DNAJC17: variants seen among roughly 807,000 people sequenced by gnomAD.
DNAJC17 encodes the protein DnaJ heat shock protein family (Hsp40) member C17.
In DNAJC17, 35 loss-of-function variants were observed where a neutral mutation model predicts 48.1. That is an observed-to-expected ratio of 0.73 (90% CI 0.56 to 0.96). The LOEUF (loss-of-function observed/expected upper bound fraction) is 0.96. Among genes scored for constraint, DNAJC17 ranks in the 50% least tolerant of loss-of-function variants. The probability of loss-of-function intolerance (pLI) is 0.00; values close to 1 mark genes in which losing one functional copy is unlikely to be tolerated. For synonymous variants in DNAJC17, 117 were observed against 142.7 expected (o/e 0.82, Z 1.28); for missense variants, 355 against 377.1 (o/e 0.94, Z 0.48).
At chr15:40,785,030 G>A (rs1342680885) in intron 1 of DNAJC17, among the ~76,000 whole-genome samples, 9 of 151,986 alleles carry the variant, frequency 5.9e-5, no homozygotes, top group East Asian at 1.9e-4. Flanking sequence ...CCCAGGAGGC[G>A]GAGCTTGCAG....
In DNAJC17 at chr15:40,785,147, G is replaced by C. The variant is rs1417404017; in HGVS notation, c.79-5150C>G. Among the ~76,000 whole-genome samples, 5 of 152,122 alleles carry C rather than the reference G, an allele frequency of 3.3e-5. No individual in the cohort carries two copies. In the East Asian group the frequency reaches 9.6e-4, roughly 29 times the overall value. On this transcript the variant is annotated intron_variant, in intron 1 of 10. Transcript: ENST00000220496. ...AACAACAACATCTCTGAAAGAAAAG[G>C]GATATCCCCGAAAAAGCTTCCAGTC...
At chr15:40,798,854 GC>G (rs1890002362) in intron 1 of DNAJC17, among the ~76,000 whole-genome samples, 1 of 152,168 alleles carries the variant, frequency 6.6e-6, no homozygotes, top group Non-Finnish European at 1.5e-5. Context: ...TTTGCAAACA[GC>G]GTTAACTCAC....
chr15:40,780,563 C>T, intron 1 of DNAJC17: 1 of 358,690 alleles, frequency 2.8e-6, no homozygotes, highest in South Asian at 2.1e-5. Flanking sequence ...CCTGTCATCC[C>T]AGCACTTTGG....
chr15:40,797,086 T>C (rs1439564448), intron 1 of DNAJC17, among the ~76,000 whole-genome samples: 2 of 152,062 alleles, frequency 1.3e-5, no homozygotes, highest in Non-Finnish European at 2.9e-5. Flanking sequence ...GAGTAGGGAC[T>C]CTGCCAGGGA....
At chr15:40,789,318 C>T (rs989237071) in intron 1 of DNAJC17, among the ~76,000 whole-genome samples, 1 of 151,768 alleles carries the variant, frequency 6.6e-6, no homozygotes, top group African/African-American at 2.4e-5. Flanking sequence ...TCCCATCCCC[C>T]CGGATCTCAT....
chr15:40,779,040 C>A (rs765414669), intron 4 of DNAJC17, 183 bp downstream of exon 4: 40 of 682,052 alleles, frequency 5.9e-5, no homozygotes, highest in Non-Finnish European at 9.6e-5. Context: ...TAATATTAAA[C>A]CTTATTATTG....
chr15:40,782,448 T>C (rs547378267), intron 1 of DNAJC17, among the ~76,000 whole-genome samples: 1 of 152,102 alleles, frequency 6.6e-6, no homozygotes, highest in South Asian at 2.1e-4. Context: ...GAAACCCCAA[T>C]ATTTCTTACA....
At chr15:40,783,645 C>T (rs1182793444) in intron 1 of DNAJC17, among the ~76,000 whole-genome samples, 1 of 152,148 alleles carries the variant, frequency 6.6e-6, no homozygotes, top group Non-Finnish European at 1.5e-5. Context: ...GGGTGGATCA[C>T]TTGAGGTCTG....
intron 5 of DNAJC17, 73 bp downstream of exon 5, chr15:40,776,469 G>T: frequency 1.3e-6 from 2 of 1,571,546 alleles, no homozygotes; most frequent in Non-Finnish European, 1.7e-6. Context: ...TAGCCACGGC[G>T]ACCACCAGGT....
At chr15:40,776,169 G>C in intron 6 of DNAJC17, 27 bp downstream of exon 6, 1 of 1,607,578 alleles carries the variant, frequency 6.2e-7, no homozygotes, top group Non-Finnish European at 8.5e-7. Flanking sequence ...CCTTGGAGGG[G>C]AGATAGGCGG....
At chr15:40,771,104 A>AGCGATG in intron 10 of DNAJC17, 1 of 1,335,732 alleles carries the variant, frequency 7.5e-7, no homozygotes. Context: ...ACAGGACTCC[A>AGCGATG]GGCCCATCGC....
At chr15:40,793,312 C>G (rs1889859964) in intron 1 of DNAJC17, among the ~76,000 whole-genome samples, 1 of 152,160 alleles carries the variant, frequency 6.6e-6, no homozygotes, top group Non-Finnish European at 1.5e-5. Flanking sequence ...CTTATATACT[C>G]TTACTGAACC....
At chr15:40,789,618 AG>A (rs1262213200) in intron 1 of DNAJC17, among the ~76,000 whole-genome samples, 1 of 151,962 alleles carries the variant, frequency 6.6e-6, no homozygotes, top group Middle Eastern at 3.2e-3. Context: ...TAACTCCTAG[AG>A]GCCTGGGTCT....
chr15:40,803,783 T>C (rs1890132238), intron 1 of DNAJC17, among the ~76,000 whole-genome samples: 1 of 152,118 alleles, frequency 6.6e-6, no homozygotes, highest in Non-Finnish European at 1.5e-5. Flanking sequence ...GAGCAGCACC[T>C]GTTACCCTTT....
intron 1 of DNAJC17, among the ~76,000 whole-genome samples, chr15:40,805,788 G>A (rs182602436): frequency 6.6e-6 from 1 of 151,828 alleles, no homozygotes; most frequent in Non-Finnish European, 1.5e-5. Context: ...CCGAGATCGC[G>A]CCACTGCACT....
At chr15:40,799,283 G>A (rs1407745746) in intron 1 of DNAJC17, among the ~76,000 whole-genome samples, 6 of 148,310 alleles carry the variant, frequency 4.0e-5, no homozygotes, top group African/African-American at 1.5e-4. Flanking sequence ...CTAGCAGACT[G>A]ATCCTCTCCC....
At chr15:40,790,552 C>T (rs557982718) in intron 1 of DNAJC17, among the ~76,000 whole-genome samples, 3 of 151,962 alleles carry the variant, frequency 2.0e-5, no homozygotes, top group African/African-American at 7.3e-5. Flanking sequence ...GCACTCCAGC[C>T]TGGGCGACAC....
chr15:40,773,654 G>A, intron 10 of DNAJC17, 73 bp downstream of exon 10: 3 of 1,211,700 alleles, frequency 2.5e-6, no homozygotes, highest in Non-Finnish European at 3.5e-6. Flanking sequence ...TGGAAGGAAA[G>A]AGCCTGAGAG....
In DNAJC17 at chr15:40,773,950, C is replaced by G. The variant is rs1241656761; in HGVS notation, c.682-113G>C. The stretch of plus-strand genomic sequence containing the variant: ...CGTTCTAGCCCTCTAAGCAGAGATG[C>G]CAACCTCAGCAGCCTTCAAGTGATG... On this transcript the variant is annotated intron_variant, in intron 9 of 10. Coordinates refer to ENST00000220496, the MANE Select transcript of DNAJC17 (RefSeq NM_018163.3). 3.3e-6 allele frequency: 3 copies of G among 909,606 alleles called. No homozygotes were observed. In the East Asian group the frequency reaches 8.1e-5, roughly 25 times the overall value. The allele number at this position is 909,606 out of a possible 1,614,324, so 56.3% of individuals were successfully genotyped here.
Sources: allele counts gnomAD v4.1 joint callset (sites outside exome capture counted in the v4.1 genomes callset), GRCh38; gene constraint gnomAD v4.1.1; transcripts MANE v1.5; gene names NCBI Gene and HGNC (gene_info 2026-07-23, HGNC 2026-07-21).